The following FN1 variants were observed in gnomAD, a reference collection of about 807,000 sequenced individuals.
FN1 encodes the protein fibronectin 1.
Under a neutral mutation model 297.3 loss-of-function variants are expected in FN1, and 106 were observed. The observed-to-expected ratio is 0.36, with a 90% CI of 0.30 to 0.42. FN1 has a LOEUF of 0.42. Ranked by LOEUF, FN1 falls within the 10% of genes least tolerant of loss-of-function variation. The pLI is 1.00. For missense variants in FN1, 2,690 were observed against 3,124.9 expected, an observed-to-expected ratio of 0.86 and a Z score of 3.32; for synonymous variants, 1,149 against 1,152.6, an observed-to-expected ratio of 1.00 and a Z score of 0.06.
Position 215,384,984 on chromosome 2 carries a change from A to C in FN1, c.4613-8T>G, listed in dbSNP as rs767521177. 3 of 1,588,824 alleles carry C rather than the reference A, an allele frequency of 1.9e-6. No individual in the cohort carries two copies. Among genetic ancestry groups the C allele is most frequent in the Non-Finnish European group, 1.7e-6 (2 of 1,156,950 alleles). On this transcript the variant is annotated splice_region_variant and splice_polypyrimidine_tract_variant and intron_variant, in intron 28 of 45. Coordinates refer to ENST00000354785, the MANE Select transcript of FN1 (RefSeq NM_212482.4). ...CCCTCGGAACATCAGAAACTAGAAA[A>C]AAAAGGGAAACTTTTCACATCCGTA...
intron 32 of FN1, chr2:215,381,289 G>A (rs578020525): frequency 6.6e-6 from 4 of 606,702 alleles, no homozygotes; most frequent in East Asian, 5.7e-5. Context: ...AAACATAGGT[G>A]TATGTGAGAT....
intron 19 of FN1, among the ~76,000 whole-genome samples, chr2:215,405,355 T>C (rs2061640909): frequency 6.6e-6 from 1 of 152,248 alleles, no homozygotes. Flanking sequence ...ACATAGGTTA[T>C]AGAGCCAGCT....
At position 215,395,537 on chromosome 2, in the gene FN1, CT is replaced by C. The variant is rs1559452170; in HGVS notation, c.3605-819del. Among the ~76,000 whole-genome samples the C allele has an allele frequency of 9.2e-5, 8 of 87,058 alleles. No individual in the cohort carries two copies. In the East Asian group the frequency reaches 7.0e-3, roughly 76 times the overall value. The allele number at this position is 87,058 out of a possible 152,430, so 57.1% of individuals were successfully genotyped here. ...CCTGGGTGACAGAGTGAGACTCTGTCTCAAAAAAAAAAAACAAAACAAACAA... is the reference window on the plus strand; with the variant it reads ...CCTGGGTGACAGAGTGAGACTCTGTCCAAAAAAAAAAAACAAAACAAACAA... On this transcript the variant is annotated intron_variant, in intron 23 of 45. Coordinates refer to ENST00000354785, the MANE Select transcript of FN1 (RefSeq NM_212482.4).
intron 40 of FN1, among the ~76,000 whole-genome samples, chr2:215,371,379 G>A (rs1266800349): frequency 6.7e-6 from 1 of 149,494 alleles, no homozygotes; most frequent in Non-Finnish European, 1.5e-5. Flanking sequence ...TTTTTCTTTA[G>A]ATATGTTGTA....
chr2:215,404,652 A>C lies in FN1; in HGVS notation c.2990T>G (p.Leu997Arg). The C allele has an allele frequency of 6.2e-7, 1 of 1,613,570 alleles. No homozygotes were observed. Reference protein sequence around the residue: ...KPLTAQQTTKLDAPTNLQFVN... With the variant: ...KPLTAQQTTKRDAPTNLQFVN... Reference sequence around the variant, plus strand: ...AAACTGGAGGTTAGTGGGAGCATCCAGTTCTAGGAAAAAAGATGAAACATG... The same window carrying C: ...AAACTGGAGGTTAGTGGGAGCATCCCGTTCTAGGAAAAAAGATGAAACATG... The change falls in exon 20 of 46, where the codon CTG becomes CGG. Residue 997 changes from leucine to arginine, a missense_variant. Coordinates refer to ENST00000354785, the MANE Select transcript of FN1 (RefSeq NM_212482.4).
intron 28 of FN1, among the ~76,000 whole-genome samples, chr2:215,386,037 A>G (rs1470134386): frequency 6.7e-6 from 1 of 149,184 alleles, no homozygotes; most frequent in African/African-American, 2.5e-5. Flanking sequence ...TGGCCTCCCA[A>G]AGTGCTGGGA....
chr2:215,430,396 T>C (rs2066289626), intron 5 of FN1, among the ~76,000 whole-genome samples: 1 of 152,190 alleles, frequency 6.6e-6, no homozygotes, highest in South Asian at 2.1e-4. Context: ...ATAAATTCTT[T>C]TTAATTTTAT....
rs2064945709 is a variant in FN1, at chr2:215,424,227, G to A, written c.1135C>T (p.Arg379Ter). The change falls in exon 8 of 46, where the codon CGA (arginine) becomes TGA (stop). Residue 379 changes from arginine (R) to a stop codon, truncating the protein, a stop_gained. Coordinates refer to ENST00000354785, the MANE Select transcript of FN1 (RefSeq NM_212482.4). LOFTEE classifies it high-confidence loss of function. ...CTGCACCAAAGATGTCCGTCCTGTC[G>A]CCCTTCTGTGGTGCAGGAGTAGAAC... ...RTFYSCTTEG[R>*]QDGHLWCSTT... The A allele has an allele frequency of 6.2e-7, 1 of 1,614,084 alleles. No homozygotes were observed. The highest frequency in any genetic ancestry group is 8.5e-7 in the Non-Finnish European group (1 of 1,179,992).
In FN1 at chr2:215,375,287, A is replaced by G; in HGVS notation, c.6084T>C (p.Tyr2028=). ...RARITGYIIK[Y]EKPGSPPREV... is the part of the protein sequence containing the mutation. ...CTCTGGGAGGAGACCCAGGCTTCTC[A>G]TACTTGATGATGTAGCCGGTAATCC... The change falls in exon 38 of 46, where the codon TAT becomes TAC. Residue 2028 remains tyrosine (Y), a synonymous_variant. Transcript: ENST00000354785. 1 of 1,614,164 alleles carries G rather than the reference A, an allele frequency of 6.2e-7. No individual in the cohort carries two copies. The highest frequency in any genetic ancestry group is 1.7e-5 in the Admixed American group (1 of 60,028).
intron 2 of FN1, 41 bp from the exon 3 acceptor site, chr2:215,433,502 A>G (rs1481285239): frequency 5.0e-6 from 8 of 1,597,484 alleles, no homozygotes; most frequent in African/African-American, 1.3e-5. Flanking sequence ...TCACTTAGGT[A>G]CAAGCTTTTC....
intron 28 of FN1, 27 bp from the exon 29 acceptor site, chr2:215,385,003 A>C: frequency 6.9e-7 from 1 of 1,442,798 alleles, no homozygotes; most frequent in Non-Finnish European, 9.8e-7. Flanking sequence ...AACTTTTCAC[A>C]TCCGTAATTT....
rs2059962498 is a variant in FN1, at chr2:215,393,551, A to G, written c.3797-348T>C. ...TCAAAACCATTCTTAGAGCCTAGAC[A>G]TAATATCTGAAGTAAGTATCAGCAA... On this transcript the variant is annotated intron_variant, in intron 24 of 45. Transcript: ENST00000354785. The G allele has an allele frequency of 2.0e-5, 3 of 153,062 alleles. No individual in the cohort carries two copies. In the South Asian group the frequency reaches 6.2e-4, roughly 32 times the overall value. The allele number at this position is 153,062 out of a possible 1,614,324, so 9.5% of individuals were successfully genotyped here.
At chr2:215,371,204 G>C (rs1285337283) in intron 40 of FN1, among the ~76,000 whole-genome samples, 1 of 151,860 alleles carries the variant, frequency 6.6e-6, no homozygotes, top group Non-Finnish European at 1.5e-5. Flanking sequence ...GGAGGCAGAG[G>C]TTGCAGTGAG....
chr2:215,365,762 A>C, intron 42 of FN1, 132 bp from the exon 43 acceptor site: 2 of 659,990 alleles, frequency 3.0e-6, no homozygotes, highest in East Asian at 3.0e-5. Context: ...AAAGATAAAA[A>C]CCCCTATAAT....
Position 215,371,979 on chromosome 2 carries a change from G to A in FN1, c.6644C>T (p.Ala2215Val). 1 of 1,614,214 alleles carries A rather than the reference G, an allele frequency of 6.2e-7. No individual in the cohort carries two copies. Among genetic ancestry groups the A allele is most frequent in the South Asian group, 1.1e-5 (1 of 91,080 alleles). Residue 2215 changes from alanine (A) to valine (V), a missense_variant, in exon 40 of 46, where the codon GCC becomes GTC. Ala to Val is a moderately conservative substitution (Grantham distance 64). Transcript: ENST00000354785. ...GTACTCAGAAGTGTCCTGGAATGGG[G>A]CCCATGAGATGGTTGTCTGAGAGAG... The part of the protein sequence containing the change: ...EALSQTTISW[A>V]PFQDTSEYII...
At chr2:215,364,087 C>G (rs2054053152) in intron 44 of FN1, among the ~76,000 whole-genome samples, 1 of 152,170 alleles carries the variant, frequency 6.6e-6, no homozygotes, top group African/African-American at 2.4e-5. Context: ...TTCCAGCCTA[C>G]CCAGAACTGT....
chr2:215,371,051 C>T (rs1475041862), intron 40 of FN1, among the ~76,000 whole-genome samples: 4 of 152,152 alleles, frequency 2.6e-5, no homozygotes, highest in Admixed American at 6.5e-5. Context: ...GGGCGGATCA[C>T]GAGGTCAGGA....
At chr2:215,414,806 A>G in intron 13 of FN1, 31 bp downstream of exon 13, 1 of 1,613,628 alleles carries the variant, frequency 6.2e-7, no homozygotes, top group African/African-American at 1.3e-5. Flanking sequence ...TAGGAGACTC[A>G]GTATCCAAGG....
intron 5 of FN1, 147 bp downstream of exon 5, chr2:215,430,568 G>T: frequency 3.7e-6 from 3 of 803,646 alleles, no homozygotes; most frequent in Non-Finnish European, 6.2e-6. Context: ...GGAATAAGTT[G>T]GTTATGAAAG....
Sources: gnomAD v4.1 joint callset for allele counts (sites outside exome capture counted in the v4.1 genomes callset) on GRCh38, gnomAD v4.1.1 for gene constraint, MANE v1.5 for transcripts, NCBI Gene and HGNC (gene_info 2026-07-23, HGNC 2026-07-21) for gene names.